The following HIPK3 variants were observed in gnomAD, a reference collection of about 807,000 sequenced individuals.
HIPK3 encodes homeodomain-interacting protein kinase 3.
HIPK3 carries 47 observed loss-of-function variants against 124.2 expected under a neutral mutation model. That is an observed-to-expected ratio of 0.38 (90% CI 0.30 to 0.48). HIPK3 has a LOEUF of 0.48. HIPK3 is among the 20% of genes least tolerant of loss of function. HIPK3 has a pLI of 0.98. For synonymous variants in HIPK3, 482 were observed against 515.2 expected, an observed-to-expected ratio of 0.94 and a Z score of 0.87; for missense variants, 1,286 against 1,454.3, an observed-to-expected ratio of 0.88 and a Z score of 1.88.
At position 33,310,356 on chromosome 11, in the gene HIPK3, C is replaced by T. The variant is rs266455; in HGVS notation, c.1098-18154C>T. 1.4e-4 allele frequency among the ~76,000 whole-genome samples: 21 copies of T among 151,858 alleles called. No homozygotes were observed. The South Asian group carries it at 4.0e-3, about 29-fold the overall frequency. The stretch of plus-strand genomic sequence containing the variant: ...GGTCTTGCTGTGTCACCCAGGCTGG[C>T]GTACAGTGGCACCATCTTGGCTCAC... On this transcript the variant is annotated intron_variant, in intron 2 of 16. Coordinates refer to ENST00000303296, the MANE Select transcript of HIPK3 (RefSeq NM_005734.5).
chr11:33,322,813 G>A (rs1245306942), intron 2 of HIPK3, among the ~76,000 whole-genome samples: 1 of 152,162 alleles, frequency 6.6e-6, no homozygotes. Context: ...GTGACAGAGC[G>A]AGACTCCGTC....
intron 2 of HIPK3, among the ~76,000 whole-genome samples, chr11:33,294,076 C>T (rs1258571134): frequency 1.3e-5 from 2 of 151,646 alleles, no homozygotes; most frequent in African/African-American, 4.8e-5. Context: ...ATCGTTTGAA[C>T]CCGGGAGGCG....
chr11:33,328,697 A>G, intron 3 of HIPK3, 64 bp downstream of exon 3: 3 of 1,469,978 alleles, frequency 2.0e-6, no homozygotes, highest in Non-Finnish European at 2.8e-6. Flanking sequence ...GACTTACAGG[A>G]ACACATGGCT....
At chr11:33,321,057 C>T (rs925530979) in intron 2 of HIPK3, among the ~76,000 whole-genome samples, 19 of 152,048 alleles carry the variant, frequency 1.2e-4, no homozygotes, top group African/African-American at 4.4e-4. Context: ...AAAGTTTAAA[C>T]GTTGGGAAAA....
chr11:33,257,933 G>C (rs1203470483), intron 1 of HIPK3, 44 bp downstream of exon 1: 1 of 985,336 alleles, frequency 1.0e-6, no homozygotes, highest in Non-Finnish European at 1.2e-6. Flanking sequence ...GGGGTGGGGG[G>C]ATCGGCTCCG....
At chr11:33,258,660 C>T in intron 1 of HIPK3, 2 of 985,318 alleles carry the variant, frequency 2.0e-6, no homozygotes, top group Non-Finnish European at 2.4e-6. Context: ...GTCTGTTTCT[C>T]TGTCGGGAGG....
intron 6 of HIPK3, among the ~76,000 whole-genome samples, chr11:33,339,751 C>A (rs908883118): frequency 1.3e-5 from 2 of 152,156 alleles, no homozygotes; most frequent in African/African-American, 4.8e-5. Flanking sequence ...AAATGCGATA[C>A]TAAAAATAAG....
chr11:33,317,628 A>G (rs898789967), intron 2 of HIPK3, among the ~76,000 whole-genome samples: 1 of 152,174 alleles, frequency 6.6e-6, no homozygotes, highest in African/African-American at 2.4e-5. Flanking sequence ...GGAAATATAT[A>G]GCATTTCCTA....
In HIPK3 at chr11:33,355,801, T is replaced by C. The variant is rs920695695; in HGVS notation, c.*2233T>C. On this transcript the variant is annotated 3_prime_UTR_variant, in exon 17 of 17. Coordinates refer to ENST00000303296, the MANE Select transcript of HIPK3 (RefSeq NM_005734.5). ...TCCCCACAAGTTTCAGTGTTTTTAG[T>C]AATTAATTCTATGCATTTTATACAA... The C allele has an allele frequency of 1.3e-5, 2 of 151,034 alleles. No individual in the cohort carries two copies. Among genetic ancestry groups the C allele is most frequent in the African/African-American group, 4.8e-5 (2 of 41,350 alleles). 9.4% of individuals were successfully genotyped at this position (151,034 alleles called of 1,614,324 possible). A position where few individuals can be genotyped will look rare whatever the true frequency, so the allele number is the denominator to read the frequency against.
intron 3 of HIPK3, 81 bp from the exon 4 acceptor site, chr11:33,336,994 C>T (rs556025664): frequency 1.0e-6 from 1 of 991,188 alleles, no homozygotes; most frequent in East Asian, 2.5e-5. Flanking sequence ...CATACCTGAC[C>T]TAACATATAG....
chr11:33,277,143 T>C (rs1851294657), intron 1 of HIPK3, among the ~76,000 whole-genome samples: 1 of 152,254 alleles, frequency 6.6e-6, no homozygotes, highest in Non-Finnish European at 1.5e-5. Context: ...TCACTTCCTA[T>C]GCAACTGTCA....
In HIPK3 at chr11:33,338,781, A is replaced by G; in HGVS notation, c.1366A>G (p.Thr456Ala). 1 of 1,611,928 alleles carries G rather than the reference A, an allele frequency of 6.2e-7. No homozygotes were observed. Among genetic ancestry groups the G allele is most frequent in the Non-Finnish European group, 8.5e-7 (1 of 1,178,356 alleles). The change falls in exon 5 of 17, where the codon ACA becomes GCA. Residue 456 changes from threonine (T) to alanine (A), a missense_variant. Physicochemically the swap from Thr to Ala is moderately conservative, Grantham distance 58. Transcript: ENST00000303296. Reference sequence around the variant, plus strand: ...GACATTGGAAGAGCATGAGGCAGAGACAGGAATGAAGTCTAAAGAAGCCAG... The same window carrying G: ...GACATTGGAAGAGCATGAGGCAGAGGCAGGAATGAAGTCTAAAGAAGCCAG... ...LKTLEEHEAE[T>A]GMKSKEARKY... is the part of the protein sequence containing the mutation.
intron 6 of HIPK3, among the ~76,000 whole-genome samples, chr11:33,340,712 G>T (rs145448570): frequency 1.3e-3 from 198 of 151,972 alleles, no homozygotes; most frequent in African/African-American, 4.1e-3. Flanking sequence ...TAAAATTATT[G>T]CATGCTAACC....
intron 2 of HIPK3, among the ~76,000 whole-genome samples, chr11:33,292,448 C>A (rs1370811163): frequency 6.6e-6 from 1 of 151,880 alleles, no homozygotes; most frequent in Admixed American, 6.6e-5. Context: ...ATATAGGAAC[C>A]CAAAGGAGGG....
At chr11:33,318,328 A>G (rs1461278318) in intron 2 of HIPK3, among the ~76,000 whole-genome samples, 1 of 152,044 alleles carries the variant, frequency 6.6e-6, no homozygotes, top group African/African-American at 2.4e-5. Flanking sequence ...TGGCCACCCA[A>G]AGTGCTGGGA....
chr11:33,268,142 C>T (rs1002939587), intron 1 of HIPK3, among the ~76,000 whole-genome samples: 7 of 152,074 alleles, frequency 4.6e-5, no homozygotes, highest in South Asian at 2.1e-4. Context: ...ACCCAGGAGG[C>T]GGATGTTACA....
intron 2 of HIPK3, among the ~76,000 whole-genome samples, chr11:33,311,997 C>CACACACACACACACA (rs767765178): frequency 1.4e-5 from 2 of 146,476 alleles, no homozygotes; most frequent in East Asian, 2.1e-4. Context: ...CACACACACA[C>CACACACACACACACA]CACGAAAAAA....
At chr11:33,322,984 T>C (rs537110105) in intron 2 of HIPK3, among the ~76,000 whole-genome samples, 108 of 152,324 alleles carry the variant, frequency 7.1e-4, no homozygotes, top group Non-Finnish European at 1.2e-3. Flanking sequence ...CTGGAGTGTG[T>C]TCTTCTCAGC....
intron 2 of HIPK3, among the ~76,000 whole-genome samples, chr11:33,304,586 C>G (rs890488669): frequency 6.6e-6 from 1 of 151,982 alleles, no homozygotes; most frequent in Non-Finnish European, 1.5e-5. Flanking sequence ...AATGGAAGCT[C>G]TGTCAGACAA....
Sources: allele counts gnomAD v4.1 joint callset (sites outside exome capture counted in the v4.1 genomes callset), GRCh38; gene constraint gnomAD v4.1.1; transcripts MANE v1.5; gene names NCBI Gene and HGNC (gene_info 2026-07-23, HGNC 2026-07-21).